Variants in PRKCB observed in about 807,000 individuals in gnomAD.
PRKCB encodes protein kinase C beta type.
Under a neutral mutation model 81.5 loss-of-function variants are expected in PRKCB, and 13 were observed. That is an observed-to-expected ratio of 0.16 (90% confidence interval 0.10 to 0.25). The LOEUF (loss-of-function observed/expected upper bound fraction) is 0.25, where lower values mean the gene tolerates loss of function less well. Ranked by LOEUF, PRKCB falls within the 10% of genes least tolerant of loss-of-function variation. The pLI, the probability that PRKCB is intolerant of heterozygous loss-of-function variation, is 1.00. For missense variants in PRKCB, 509 were observed against 875.7 expected, an observed-to-expected ratio of 0.58 and a Z score of 5.29; for synonymous variants, 335 against 321.4, an observed-to-expected ratio of 1.04 and a Z score of -0.45.
chr16:24,188,529 A>G (rs1967740041), intron 15 of PRKCB, among the ~76,000 whole-genome samples: 1 of 151,960 alleles, frequency 6.6e-6, no homozygotes, highest in African/African-American at 2.4e-5. Context: ...GAAAACAGTC[A>G]CCTGTTTAAT....
Position 24,193,590 on chromosome 16 carries a change from C to T in PRKCB, c.1863+2360C>T, listed in dbSNP as rs560334675. ...TCAGCCTCCCAAAGTACTAGGATTACAGGTGTGAGCCACTGCACCCAGCCA... is the reference window on the plus strand; with the variant it reads ...TCAGCCTCCCAAAGTACTAGGATTATAGGTGTGAGCCACTGCACCCAGCCA... On this transcript the variant is annotated intron_variant, in intron 16 of 16. Transcript: ENST00000643927. 6.8e-4 allele frequency among the ~76,000 whole-genome samples: 103 copies of T among 152,202 alleles called. 2 individuals are homozygous for T. The highest frequency in any genetic ancestry group is 4.6e-4 in the Non-Finnish European group (31 of 68,018).
chr16:24,140,292 G>A (rs1966886144), intron 9 of PRKCB, among the ~76,000 whole-genome samples: 1 of 152,178 alleles, frequency 6.6e-6, no homozygotes, highest in African/African-American at 2.4e-5. Context: ...GTCAAAGTTG[G>A]AAGTTTAGGA....
intron 8 of PRKCB, among the ~76,000 whole-genome samples, chr16:24,117,132 G>A (rs1260367849): frequency 2.7e-5 from 4 of 147,776 alleles, no homozygotes; most frequent in African/African-American, 5.4e-5. Context: ...AGGAATTTCA[G>A]TTGACCTTGA....
At chr16:23,859,715 A>C (rs1228693288) in intron 2 of PRKCB, among the ~76,000 whole-genome samples, 4 of 152,110 alleles carry the variant, frequency 2.6e-5, no homozygotes, top group Non-Finnish European at 4.4e-5. Context: ...GGCAGGAAGA[A>C]GTAGTTGAAG....
chr16:23,876,587 A>AG (rs1963017380), intron 2 of PRKCB, among the ~76,000 whole-genome samples: 1 of 151,306 alleles, frequency 6.6e-6, no homozygotes, highest in African/African-American at 2.4e-5. Context: ...TTTTTGAAAA[A>AG]AAAAAATGAC....
chr16:24,216,725 C>G lies in PRKCB; in HGVS notation c.*1909C>G, dbSNP rs1425805241. Reference sequence around the variant, plus strand: ...GTGGCAATCAGGACCTAAGGTGAAGCAAACTTGAAGTTCTATCTGACAAGT... The same window carrying G: ...GTGGCAATCAGGACCTAAGGTGAAGGAAACTTGAAGTTCTATCTGACAAGT... On this transcript the variant is annotated 3_prime_UTR_variant, in exon 17 of 17. Transcript: ENST00000643927. The G allele has an allele frequency of 7.1e-6, 7 of 985,332 alleles. No individual in the cohort carries two copies. Among genetic ancestry groups the G allele is most frequent in the Non-Finnish European group, 8.4e-6 (7 of 829,966 alleles). 61.0% of individuals were successfully genotyped at this position (985,332 alleles called of 1,614,324 possible).
intron 2 of PRKCB, chr16:23,869,084 T>A (rs1962858706): frequency 2.2e-6 from 1 of 453,702 alleles, no homozygotes. Flanking sequence ...ATTTCACACA[T>A]GGCTATGTGA....
chr16:24,087,088 G>T (rs1966318849), intron 5 of PRKCB, among the ~76,000 whole-genome samples: 1 of 151,952 alleles, frequency 6.6e-6, no homozygotes, highest in Admixed American at 6.6e-5. Flanking sequence ...GAGTAAGTTG[G>T]GGTCATGGTT....
At chr16:24,042,254 G>A (rs1204273517) in intron 5 of PRKCB, among the ~76,000 whole-genome samples, 3 of 152,102 alleles carry the variant, frequency 2.0e-5, no homozygotes, top group Non-Finnish European at 4.4e-5. Flanking sequence ...ATTCCTCCTC[G>A]GAGGCTCTCT....
intron 13 of PRKCB, among the ~76,000 whole-genome samples, chr16:24,181,443 A>C (rs1967619937): frequency 6.6e-6 from 1 of 152,108 alleles, no homozygotes; most frequent in South Asian, 2.1e-4. Context: ...TTCAAGACAC[A>C]TTGTTAGAGA....
At chr16:24,010,449 A>G (rs1354379922) in intron 3 of PRKCB, among the ~76,000 whole-genome samples, 1 of 152,202 alleles carries the variant, frequency 6.6e-6, no homozygotes, top group Non-Finnish European at 1.5e-5. Context: ...GGGGACTGTC[A>G]GTGGAAGGTC....
intron 2 of PRKCB, among the ~76,000 whole-genome samples, chr16:23,872,539 T>C (rs1348823748): frequency 2.6e-5 from 4 of 151,948 alleles, no homozygotes. Flanking sequence ...AAGAAAAAAT[T>C]AATAAATAAA....
At chr16:24,177,852 A>T (rs573001894) in intron 12 of PRKCB, among the ~76,000 whole-genome samples, 1 of 152,336 alleles carries the variant, frequency 6.6e-6, no homozygotes, top group South Asian at 2.1e-4. Flanking sequence ...CAAAGATTCT[A>T]TGAGCTCCCC....
chr16:24,109,933 C>G (rs1043225397), intron 7 of PRKCB, among the ~76,000 whole-genome samples: 2 of 126,968 alleles, frequency 1.6e-5, no homozygotes, highest in Non-Finnish European at 3.2e-5. Context: ...AGCGAAACCC[C>G]GTCTCCACCA....
At chr16:23,950,132 ATTTTTTTTTTTT>A (rs34117735) in intron 2 of PRKCB, among the ~76,000 whole-genome samples, 2 of 97,760 alleles carry the variant, frequency 2.0e-5, no homozygotes, top group Non-Finnish European at 3.9e-5. Flanking sequence ...TATGATTTGA[ATTTTTTTTTTTT>A]TTTTTTTTTT....
At chr16:24,125,226 G>A (rs1262138020) in intron 9 of PRKCB, among the ~76,000 whole-genome samples, 1 of 152,172 alleles carries the variant, frequency 6.6e-6, no homozygotes, top group East Asian at 1.9e-4. Context: ...AGGTCAAGGG[G>A]CTCCCCTGCT....
chr16:23,851,926 A>T (rs1361755806), intron 2 of PRKCB, among the ~76,000 whole-genome samples: 1 of 152,172 alleles, frequency 6.6e-6, no homozygotes, highest in Non-Finnish European at 1.5e-5. Context: ...GAATAATTAG[A>T]TAATCTAATA....
chr16:23,985,226 G>A (rs1245281493), intron 2 of PRKCB, among the ~76,000 whole-genome samples: 2 of 151,946 alleles, frequency 1.3e-5, no homozygotes, highest in African/African-American at 4.8e-5. Context: ...AAGTACCTGG[G>A]ACTACTACAG....
intron 2 of PRKCB, among the ~76,000 whole-genome samples, chr16:23,927,431 A>G (rs1358054085): frequency 1.3e-5 from 2 of 152,140 alleles, no homozygotes; most frequent in African/African-American, 2.4e-5. Context: ...TAAAGGGCTC[A>G]TCTGTCCTAT....
Sources: allele counts gnomAD v4.1 joint callset (sites outside exome capture counted in the v4.1 genomes callset), GRCh38; gene constraint gnomAD v4.1.1; transcripts MANE v1.5; gene names NCBI Gene and HGNC (gene_info 2026-07-23, HGNC 2026-07-21).